FGF14: variants seen among roughly 807,000 people sequenced by gnomAD.
FGF14 encodes fibroblast growth factor 14, also known as fibroblast growth factor homologous factor 4.
In FGF14, 5 loss-of-function variants were observed where a neutral mutation model predicts 25.5. That is an observed-to-expected ratio of 0.20 (90% confidence interval 0.10 to 0.41). The LOEUF (loss-of-function observed/expected upper bound fraction) is 0.41. FGF14 is among the 10% of genes least tolerant of loss of function. The pLI, the probability that FGF14 is intolerant of heterozygous loss-of-function variation, is 1.00. For synonymous variants in FGF14, 138 were observed against 118.3 expected (o/e 1.17, Z -1.08); for missense variants, 222 against 320.1 (o/e 0.69, Z 2.34).
At chr13:101,968,535 T>A (rs2037368759) in intron 1 of FGF14, among the ~76,000 whole-genome samples, 1 of 151,868 alleles carries the variant, frequency 6.6e-6, no homozygotes, top group Non-Finnish European at 1.5e-5. Context: ...TAGCCAGGCG[T>A]GGTGGCAGGC....
At chr13:101,933,098 C>T (rs1298329746) in intron 1 of FGF14, among the ~76,000 whole-genome samples, 2 of 152,148 alleles carry the variant, frequency 1.3e-5, no homozygotes, top group Non-Finnish European at 2.9e-5. Context: ...GAATTAATTT[C>T]AGTAAAGTTA....
At chr13:101,747,905 A>G (rs1191561537) in intron 3 of FGF14, among the ~76,000 whole-genome samples, 3 of 152,080 alleles carry the variant, frequency 2.0e-5, no homozygotes, top group Admixed American at 6.6e-5. Flanking sequence ...GCAAATTAAA[A>G]CCACAATGAG....
intron 1 of FGF14, among the ~76,000 whole-genome samples, chr13:102,049,519 T>A (rs141917368): frequency 2.0e-5 from 3 of 152,312 alleles, no homozygotes; most frequent in Non-Finnish European, 2.9e-5. Flanking sequence ...CAAATCATCA[T>A]TAAATAAACA....
At chr13:102,401,950 T>G (rs1270629324), upstream of FGF14, among the ~76,000 whole-genome samples, 2 of 151,640 alleles carry the variant, frequency 1.3e-5, no homozygotes, top group Non-Finnish European at 2.9e-5. Context: ...CATAGCCTTT[T>G]TACTTGATCG....
At chr13:101,798,893 G>T (rs1341637993) in intron 3 of FGF14, among the ~76,000 whole-genome samples, 1 of 152,100 alleles carries the variant, frequency 6.6e-6, no homozygotes, top group Admixed American at 6.6e-5. Flanking sequence ...ACCTTGGCAT[G>T]ACATTTGCAA....
intron 1 of FGF14, among the ~76,000 whole-genome samples, chr13:102,132,176 A>G (rs1337092198): frequency 1.3e-5 from 2 of 152,204 alleles, no homozygotes; most frequent in Non-Finnish European, 2.9e-5. Flanking sequence ...CCCAGGGTCC[A>G]TCAGGGGAGA....
intron 3 of FGF14, among the ~76,000 whole-genome samples, chr13:101,850,277 TCC>T (rs1190840630): frequency 0.38 from 13,508 of 35,458 alleles, 4,704 homozygotes; most frequent in Middle Eastern, 0.61. Flanking sequence ...CTACTAAAAA[TCC>T]AAAAAAAAAA....
chr13:102,321,926 T>C (rs954790487), intron 1 of FGF14, among the ~76,000 whole-genome samples: 2 of 152,334 alleles, frequency 1.3e-5, no homozygotes, highest in African/African-American at 2.4e-5. Context: ...TTTTCAACTC[T>C]GTACTGGGAG....
At chr13:101,759,633 G>T (rs1485127171) in intron 3 of FGF14, among the ~76,000 whole-genome samples, 1 of 152,116 alleles carries the variant, frequency 6.6e-6, no homozygotes, top group Non-Finnish European at 1.5e-5. Flanking sequence ...TTTTACATAT[G>T]ACCTTCTTAC....
At chr13:102,238,483 T>C (rs1055648619) in intron 1 of FGF14, among the ~76,000 whole-genome samples, 34 of 152,342 alleles carry the variant, frequency 2.2e-4, no homozygotes, top group African/African-American at 8.2e-4. Context: ...TTAAAAGCCA[T>C]TTATATATCT....
intron 3 of FGF14, among the ~76,000 whole-genome samples, chr13:101,827,124 A>G (rs1566947514): frequency 6.6e-6 from 1 of 152,044 alleles, no homozygotes; most frequent in Non-Finnish European, 1.5e-5. Flanking sequence ...TAATATAATC[A>G]TACATAGAAA....
intron 1 of FGF14, among the ~76,000 whole-genome samples, chr13:101,931,608 G>A (rs377167273): frequency 2.0e-5 from 3 of 152,114 alleles, no homozygotes; most frequent in South Asian, 2.1e-4. Context: ...TACCCTCAGC[G>A]GCTAGCACTG....
intron 1 of FGF14, among the ~76,000 whole-genome samples, chr13:101,989,385 A>G (rs535190239): frequency 6.6e-6 from 1 of 152,184 alleles, no homozygotes; most frequent in South Asian, 2.1e-4. Flanking sequence ...TAGTTTTATG[A>G]AAGATGGAGA....
chr13:102,053,236 A>G (rs1230868658), intron 1 of FGF14, among the ~76,000 whole-genome samples: 1 of 152,102 alleles, frequency 6.6e-6, no homozygotes, highest in Non-Finnish European at 1.5e-5. Flanking sequence ...AAATTCTCCA[A>G]TCAAAAGACG....
chr13:102,287,253 A>C (rs1387108007), intron 1 of FGF14, among the ~76,000 whole-genome samples: 1 of 152,244 alleles, frequency 6.6e-6, no homozygotes, highest in Non-Finnish European at 1.5e-5. Flanking sequence ...ACCGTTCTGT[A>C]AATGTGCATG....
At chr13:102,291,870 C>A (rs2141267099) in intron 1 of FGF14, among the ~76,000 whole-genome samples, 1 of 152,224 alleles carries the variant, frequency 6.6e-6, no homozygotes, top group Non-Finnish European at 1.5e-5. Flanking sequence ...TTGTAGGACC[C>A]CAGGCCGACC....
chr13:101,808,880 T>C (rs551834083), intron 3 of FGF14, among the ~76,000 whole-genome samples: 2 of 152,274 alleles, frequency 1.3e-5, no homozygotes, highest in African/African-American at 4.8e-5. Context: ...TATAGTAATT[T>C]AGTGCATAAT....
intron 1 of FGF14, among the ~76,000 whole-genome samples, chr13:102,013,241 T>A (rs943385035): frequency 1.3e-5 from 2 of 151,824 alleles, no homozygotes; most frequent in Non-Finnish European, 2.9e-5. Flanking sequence ...AAGAAGGAAA[T>A]GATGTAAAAA....
chr13:102,073,107 C>G (rs952204005), intron 1 of FGF14, among the ~76,000 whole-genome samples: 2 of 152,050 alleles, frequency 1.3e-5, no homozygotes, highest in Non-Finnish European at 2.9e-5. Context: ...CAAAAATTAG[C>G]CGGGTGTGGT....
Sources: allele counts gnomAD v4.1 joint callset (sites outside exome capture counted in the v4.1 genomes callset), GRCh38; gene constraint gnomAD v4.1.1; transcripts MANE v1.5; gene names NCBI Gene and HGNC (gene_info 2026-07-23, HGNC 2026-07-21).